Variants in PAFAH1B1 observed in about 807,000 individuals in gnomAD.
The protein encoded by PAFAH1B1 is platelet activating factor acetylhydrolase 1b regulatory subunit 1, also known as platelet-activating factor acetylhydrolase IB subunit beta.
PAFAH1B1 carries 2 observed loss-of-function variants against 57.5 expected under a neutral mutation model. That is an observed-to-expected ratio of 0.03 (90% confidence interval 0.01 to 0.11). PAFAH1B1 has a LOEUF of 0.11. Among genes scored for constraint, PAFAH1B1 ranks in the 10% least tolerant of loss-of-function variants. PAFAH1B1 has a pLI of 1.00. For missense variants in PAFAH1B1, 257 were observed against 512.0 expected (o/e 0.50, Z 4.81); for synonymous variants, 152 against 169.6 (o/e 0.90, Z 0.81).
intron 6 of PAFAH1B1, among the ~76,000 whole-genome samples, chr17:2,672,115 AAT>A (rs2069192337): frequency 1.3e-5 from 2 of 151,846 alleles, no homozygotes; most frequent in South Asian, 4.2e-4. Context: ...CAAAAAATAA[AAT>A]AGTTGTGGGT....
Position 2,593,759 on chromosome 17 carries a change from G to A in PAFAH1B1, c.-438G>A. ...GGAGTCTAGGGAGCGAGAAGGAGAAGGAGGGGAGCGCTCGGGCGCGAGCGA... is the reference window on the plus strand; with the variant it reads ...GGAGTCTAGGGAGCGAGAAGGAGAAAGAGGGGAGCGCTCGGGCGCGAGCGA... On this transcript the variant is annotated 5_prime_UTR_variant, in exon 1 of 11. Transcript: ENST00000397195. 2.6e-6 allele frequency: 1 copy of A among 384,206 alleles called. No individual in the cohort carries two copies. Among genetic ancestry groups the A allele is most frequent in the Non-Finnish European group, 4.6e-6 (1 of 216,828 alleles). The allele number at this position is 384,206 out of a possible 1,614,324, so 23.8% of individuals were successfully genotyped here. A position where few individuals can be genotyped will look rare whatever the true frequency, so the allele number is the denominator to read the frequency against.
intron 1 of PAFAH1B1, among the ~76,000 whole-genome samples, chr17:2,637,267 CTA>C (rs1173521909): frequency 6.6e-6 from 1 of 152,084 alleles, no homozygotes; most frequent in Non-Finnish European, 1.5e-5. Context: ...CCAGTAGCCT[CTA>C]TTTTAAGTAA....
chr17:2,613,645 A>G (rs1039635950), intron 1 of PAFAH1B1: 1 of 294,548 alleles, frequency 3.4e-6, no homozygotes, highest in Non-Finnish European at 6.9e-6. Context: ...AGACCTGAGT[A>G]TACTCTCCAC....
chr17:2,668,783 G>T (rs1053834284), intron 5 of PAFAH1B1, among the ~76,000 whole-genome samples: 3 of 152,060 alleles, frequency 2.0e-5, no homozygotes, highest in Non-Finnish European at 4.4e-5. Flanking sequence ...AGACCATCCT[G>T]GCTAACATGG....
At chr17:2,616,867 T>C (rs1335565914) in intron 1 of PAFAH1B1, among the ~76,000 whole-genome samples, 2 of 150,096 alleles carry the variant, frequency 1.3e-5, no homozygotes, top group African/African-American at 4.9e-5. Context: ...ATCGAGACCA[T>C]CCTGGCTAAC....
intron 1 of PAFAH1B1, among the ~76,000 whole-genome samples, chr17:2,609,735 C>T (rs2068245472): frequency 6.6e-6 from 1 of 151,842 alleles, no homozygotes. Context: ...TGGTCTCGAA[C>T]TCCTGACCTC....
intron 1 of PAFAH1B1, among the ~76,000 whole-genome samples, chr17:2,621,596 A>C: frequency 7.0e-6 from 1 of 142,388 alleles, no homozygotes; most frequent in Non-Finnish European, 1.5e-5. Flanking sequence ...CAAGCATGGT[A>C]GATAATCTGT....
At chr17:2,648,386 G>T (rs552055627) in intron 2 of PAFAH1B1, among the ~76,000 whole-genome samples, 2 of 151,656 alleles carry the variant, frequency 1.3e-5, no homozygotes, top group Non-Finnish European at 2.9e-5. Flanking sequence ...TCAACATTAA[G>T]AAATTTATGG....
chr17:2,637,840 A>G (rs1195120802), intron 1 of PAFAH1B1, among the ~76,000 whole-genome samples: 1 of 152,226 alleles, frequency 6.6e-6, no homozygotes, highest in Non-Finnish European at 1.5e-5. Context: ...TGTATCTGGC[A>G]GGTTAACATG....
At chr17:2,626,047 T>C (rs2068485028) in intron 1 of PAFAH1B1, among the ~76,000 whole-genome samples, 2 of 152,048 alleles carry the variant, frequency 1.3e-5, no homozygotes, top group African/African-American at 4.8e-5. Flanking sequence ...GGTCAGGAGT[T>C]GGGAACCAGC....
Position 2,599,712 on chromosome 17 carries a change from A to G in PAFAH1B1, c.-191+5706A>G, listed in dbSNP as rs75797897. ...ATATTCTCTGAGGGAACAGGGTTAC[A>G]CTTTGACAGAATTCTTAAGTATAAA... On this transcript the variant is annotated intron_variant, in intron 1 of 10. Transcript: ENST00000397195. Among the ~76,000 whole-genome samples the G allele has an allele frequency of 6.4e-3, 979 of 152,282 alleles. 14 individuals carry two copies. Among genetic ancestry groups the G allele is most frequent in the African/African-American group, 0.023 (940 of 41,558 alleles).
chr17:2,663,915 G>A (rs1268074197), intron 2 of PAFAH1B1, among the ~76,000 whole-genome samples: 4 of 151,534 alleles, frequency 2.6e-5, no homozygotes, highest in Admixed American at 6.6e-5. Flanking sequence ...GGCTGGTCTC[G>A]AGCTCCCGAC....
chr17:2,605,158 G>A (rs1215825834), intron 1 of PAFAH1B1, among the ~76,000 whole-genome samples: 2 of 152,208 alleles, frequency 1.3e-5, no homozygotes, highest in East Asian at 3.8e-4. Flanking sequence ...AAGCAAGACA[G>A]TGACATTAAA....
chr17:2,621,592 T>G, intron 1 of PAFAH1B1, among the ~76,000 whole-genome samples: 1 of 148,132 alleles, frequency 6.8e-6, no homozygotes, highest in African/African-American at 2.5e-5. Context: ...TATTCAAGCA[T>G]GGTAGATAAT....
chr17:2,617,812 C>T (rs1002207110), intron 1 of PAFAH1B1, among the ~76,000 whole-genome samples: 7 of 150,182 alleles, frequency 4.7e-5, no homozygotes, highest in Non-Finnish European at 7.5e-5. Context: ...CCCAGCTACT[C>T]GGGAGGCTGA....
intron 1 of PAFAH1B1, among the ~76,000 whole-genome samples, chr17:2,612,821 G>A (rs979977378): frequency 4.6e-5 from 7 of 151,548 alleles, no homozygotes; most frequent in Admixed American, 3.9e-4. Flanking sequence ...TTTTGCCCAG[G>A]CTGGTCTCAG....
Position 2,654,963 on chromosome 17 carries a change from T to A in PAFAH1B1, c.33-10409T>A, listed in dbSNP as rs557457009. Among the ~76,000 whole-genome samples, 15 of 151,328 alleles carry A rather than the reference T, an allele frequency of 9.9e-5. No individual in the cohort carries two copies. In the East Asian group the frequency reaches 2.7e-3, roughly 27 times the overall value. On this transcript the variant is annotated intron_variant, in intron 2 of 10. Transcript: ENST00000397195. ...GGCTTTTTTTTTTCTTCTTTTTTTTTTTTTTAAAAGAGACAGGGTTCAGGC... is the reference window on the plus strand; with the variant it reads ...GGCTTTTTTTTTTCTTCTTTTTTTTATTTTTAAAAGAGACAGGGTTCAGGC...
At chr17:2,677,573 G>A (rs1239414577) in intron 9 of PAFAH1B1, among the ~76,000 whole-genome samples, 1 of 152,170 alleles carries the variant, frequency 6.6e-6, no homozygotes, top group Non-Finnish European at 1.5e-5. Flanking sequence ...TGAAACTCTC[G>A]GCCGGGCACG....
chr17:2,684,777 G>A lies in PAFAH1B1; in HGVS notation c.*2975G>A, dbSNP rs1425555610. ...TCACTAGTGTTAGCAAGTCGTCCCGGGCTGGGGAGCGTTCGCCGTAGTCTT... is the reference window on the plus strand; with the variant it reads ...TCACTAGTGTTAGCAAGTCGTCCCGAGCTGGGGAGCGTTCGCCGTAGTCTT... On this transcript the variant is annotated 3_prime_UTR_variant, in exon 11 of 11. Transcript: ENST00000397195. The A allele has an allele frequency of 6.6e-6, 1 of 152,622 alleles. No individual in the cohort carries two copies. The highest frequency in any genetic ancestry group is 1.5e-5 in the Non-Finnish European group (1 of 68,068). 9.5% of individuals were successfully genotyped at this position (152,622 alleles called of 1,614,324 possible). A position where few individuals can be genotyped will look rare whatever the true frequency, so the allele number is the denominator to read the frequency against.
Sources: allele counts gnomAD v4.1 joint callset (sites outside exome capture counted in the v4.1 genomes callset), GRCh38; gene constraint gnomAD v4.1.1; transcripts MANE v1.5; gene names NCBI Gene and HGNC (gene_info 2026-07-23, HGNC 2026-07-21).